Variants in OPCML observed in about 807,000 individuals in gnomAD.
The protein encoded by OPCML is opioid binding protein/cell adhesion molecule like.
OPCML carries 13 observed loss-of-function variants against 37.8 expected under a neutral mutation model. The observed-to-expected ratio is 0.34, with a 90% CI of 0.22 to 0.55. The LOEUF (loss-of-function observed/expected upper bound fraction) is 0.55, where lower values mean the gene tolerates loss of function less well. OPCML is among the 20% of genes least tolerant of loss of function. The pLI is 0.91. For missense variants in OPCML, 341 were observed against 435.6 expected (o/e 0.78, Z 1.93); for synonymous variants, 176 against 168.8 (o/e 1.04, Z -0.33).
chr11:132,788,456 C>T (rs1322663237), intron 2 of OPCML, among the ~76,000 whole-genome samples: 1 of 152,198 alleles, frequency 6.6e-6, no homozygotes, highest in Admixed American at 6.5e-5. Flanking sequence ...ATAACACAAT[C>T]TCTCTCCTGG....
At chr11:133,227,540 C>G (rs1007337031) in intron 1 of OPCML, among the ~76,000 whole-genome samples, 43 of 152,100 alleles carry the variant, frequency 2.8e-4, no homozygotes, top group Non-Finnish European at 1.6e-4. Context: ...GGCTGCTGAG[C>G]TCTTTAATAC....
At chr11:132,789,085 A>T (rs1030722540) in intron 2 of OPCML, among the ~76,000 whole-genome samples, 1 of 152,162 alleles carries the variant, frequency 6.6e-6, no homozygotes, top group Admixed American at 6.5e-5. Flanking sequence ...GCCTTTGAAC[A>T]TGCCATTCCC....
chr11:133,249,428 C>T (rs1186785876), intron 1 of OPCML, among the ~76,000 whole-genome samples: 1 of 152,160 alleles, frequency 6.6e-6, no homozygotes, highest in African/African-American at 2.4e-5. Flanking sequence ...CCCCATGACC[C>T]AAATGCCTCC....
chr11:132,450,600 T>C (rs1423078980), intron 4 of OPCML, among the ~76,000 whole-genome samples: 2 of 151,936 alleles, frequency 1.3e-5, no homozygotes, highest in Non-Finnish European at 2.9e-5. Flanking sequence ...TTTTCAATTA[T>C]AGAATATCGT....
chr11:133,491,612 C>T (rs908099712), intron 1 of OPCML, among the ~76,000 whole-genome samples: 3 of 152,086 alleles, frequency 2.0e-5, no homozygotes, highest in Non-Finnish European at 4.4e-5. Context: ...ATAAGCTATG[C>T]GAGGAATCCC....
intron 1 of OPCML, among the ~76,000 whole-genome samples, chr11:133,524,980 A>G (rs1591598955): frequency 6.6e-6 from 1 of 152,216 alleles, no homozygotes; most frequent in Admixed American, 6.5e-5. Context: ...TTGTTCAACA[A>G]ATACTGTTTG....
intron 3 of OPCML, among the ~76,000 whole-genome samples, chr11:132,631,853 C>T (rs1424966793): frequency 2.0e-5 from 3 of 152,072 alleles, no homozygotes; most frequent in African/African-American, 7.2e-5. Context: ...CATGGCAAGA[C>T]GTATCATGGA....
chr11:133,184,967 G>C (rs1233725649), intron 1 of OPCML, among the ~76,000 whole-genome samples: 1 of 152,036 alleles, frequency 6.6e-6, no homozygotes, highest in Non-Finnish European at 1.5e-5. Flanking sequence ...ACAGATTTTT[G>C]TTCGATGGCT....
intron 1 of OPCML, among the ~76,000 whole-genome samples, chr11:133,199,566 C>T (rs1271201791): frequency 2.6e-5 from 4 of 152,100 alleles, no homozygotes; most frequent in South Asian, 2.1e-4. Context: ...GAGGGGAGTG[C>T]ACAGCTATTC....
chr11:132,586,915 G>A (rs1205711552), intron 3 of OPCML, among the ~76,000 whole-genome samples: 2 of 152,178 alleles, frequency 1.3e-5, no homozygotes, highest in African/African-American at 4.8e-5. Flanking sequence ...TAATAAAGAA[G>A]CACAAGGCTT....
rs577778648 is a variant in OPCML at position 132,826,071 on chromosome 11, C to T, written c.146+116855G>A. ...AGACGTGGCTACTGTTGGCATGTAGCAGTTCCATGGACTGTATGTCCTGTC... is the reference window on the plus strand; with the variant it reads ...AGACGTGGCTACTGTTGGCATGTAGTAGTTCCATGGACTGTATGTCCTGTC... On this transcript the variant is annotated intron_variant, in intron 2 of 7. Transcript: ENST00000524381. Among the ~76,000 whole-genome samples the T allele has an allele frequency of 2.6e-5, 4 of 152,300 alleles. No homozygotes were observed. The South Asian group carries it at 6.2e-4, about 24-fold the overall frequency.
intron 2 of OPCML, among the ~76,000 whole-genome samples, chr11:132,852,938 A>T (rs1941881795): frequency 6.6e-6 from 1 of 152,004 alleles, no homozygotes; most frequent in Non-Finnish European, 1.5e-5. Flanking sequence ...TTTGACAGAC[A>T]CCTTATGTAG....
chr11:133,276,466 G>A (rs1218950249), intron 1 of OPCML, among the ~76,000 whole-genome samples: 1 of 152,164 alleles, frequency 6.6e-6, no homozygotes, highest in Non-Finnish European at 1.5e-5. Context: ...TGCACACAAT[G>A]CAGGAGGGAG....
chr11:132,884,774 C>T (rs565832164), intron 2 of OPCML, among the ~76,000 whole-genome samples: 8 of 152,130 alleles, frequency 5.3e-5, no homozygotes, highest in Non-Finnish European at 1.2e-4. Context: ...AGGAACATTA[C>T]CAAATTGGTT....
intron 1 of OPCML, among the ~76,000 whole-genome samples, chr11:133,389,378 T>C (rs1394477001): frequency 1.3e-5 from 2 of 152,206 alleles, no homozygotes; most frequent in Admixed American, 1.3e-4. Flanking sequence ...TGTAGGGCCT[T>C]AGTGTGGCTT....
chr11:133,501,020 A>G (rs1655340921), intron 1 of OPCML, among the ~76,000 whole-genome samples: 1 of 152,004 alleles, frequency 6.6e-6, no homozygotes, highest in African/African-American at 2.4e-5. Flanking sequence ...AGCAGAAAAG[A>G]AAAAACAAAA....
At chr11:133,477,427 C>T (rs1947266907) in intron 1 of OPCML, among the ~76,000 whole-genome samples, 1 of 152,156 alleles carries the variant, frequency 6.6e-6, no homozygotes, top group African/African-American at 2.4e-5. Context: ...CAGACACCTG[C>T]GATCCTCAGT....
At chr11:132,701,810 T>C (rs1943834746) in intron 2 of OPCML, among the ~76,000 whole-genome samples, 1 of 121,476 alleles carries the variant, frequency 8.2e-6, no homozygotes, top group African/African-American at 3.0e-5. Context: ...GTGGTGGGCG[T>C]GTGCTTTCCT....
chr11:132,837,073 G>A (rs1047853436), intron 2 of OPCML, among the ~76,000 whole-genome samples: 3 of 152,146 alleles, frequency 2.0e-5, no homozygotes, highest in African/African-American at 7.2e-5. Context: ...CCAGCACTTT[G>A]AAAGGCCAAG....
Sources: gnomAD v4.1 joint callset for allele counts (sites outside exome capture counted in the v4.1 genomes callset) on GRCh38, gnomAD v4.1.1 for gene constraint, MANE v1.5 for transcripts, NCBI Gene and HGNC (gene_info 2026-07-23, HGNC 2026-07-21) for gene names.